The following LRRC7 variants were observed in gnomAD, a reference collection of about 807,000 sequenced individuals.
The protein encoded by LRRC7 is leucine-rich repeat-containing protein 7.
Under a neutral mutation model 175.7 loss-of-function variants are expected in LRRC7, and 23 were observed. The ratio of observed to expected loss-of-function variants is 0.13; its 90% CI spans 0.09 to 0.19. The LOEUF (loss-of-function observed/expected upper bound fraction) is 0.19. LRRC7 is among the 10% of genes least tolerant of loss of function. The pLI is 1.00. For missense variants in LRRC7, 1,354 were observed against 1,904.7 expected (o/e 0.71, Z 5.38); for synonymous variants, 685 against 680.9 (o/e 1.01, Z -0.09).
At chr1:69,973,396 C>T (rs973251958) in intron 8 of LRRC7, among the ~76,000 whole-genome samples, 6 of 151,896 alleles carry the variant, frequency 4.0e-5, no homozygotes, top group African/African-American at 1.5e-4. Flanking sequence ...AGAACTTACT[C>T]ATGTAACCAA....
At chr1:69,911,383 T>C (rs1406498782) in intron 7 of LRRC7, among the ~76,000 whole-genome samples, 1 of 152,216 alleles carries the variant, frequency 6.6e-6, no homozygotes, top group East Asian at 1.9e-4. Flanking sequence ...CCAAACTGCT[T>C]TCCACAATGA....
chr1:69,805,842 A>G (rs1421912211), intron 4 of LRRC7, among the ~76,000 whole-genome samples: 1 of 151,954 alleles, frequency 6.6e-6, no homozygotes, highest in Non-Finnish European at 1.5e-5. Flanking sequence ...ACTAGCACTT[A>G]TTCCATGGGA....
chr1:69,914,035 A>T (rs1407954440), intron 7 of LRRC7, among the ~76,000 whole-genome samples: 1 of 152,198 alleles, frequency 6.6e-6, no homozygotes, highest in Non-Finnish European at 1.5e-5. Context: ...AAGTGAAAAA[A>T]TTCTTTTTTT....
At chr1:69,937,285 TGCTTTACCATTA>T (rs146315709) in intron 8 of LRRC7, among the ~76,000 whole-genome samples, 1,898 of 152,238 alleles carry the variant, frequency 0.012, 36 homozygotes, top group African/African-American at 0.043. Context: ...CATTAATAAT[TGCTTTACCATTA>T]GCTTTGTATA....
At chr1:69,679,174 G>T (rs190965647) in intron 2 of LRRC7, among the ~76,000 whole-genome samples, 3 of 152,102 alleles carry the variant, frequency 2.0e-5, no homozygotes, top group Non-Finnish European at 4.4e-5. Flanking sequence ...TTTATAAAAT[G>T]ATCCATAATA....
chr1:70,102,022 T>C (rs181707533), intron 25 of LRRC7, among the ~76,000 whole-genome samples: 70 of 152,308 alleles, frequency 4.6e-4, no homozygotes, highest in African/African-American at 1.6e-3. Flanking sequence ...GGAAAGCCAT[T>C]GTGCTTTCAA....
intron 8 of LRRC7, among the ~76,000 whole-genome samples, chr1:69,963,678 G>A (rs192100518): frequency 6.6e-6 from 1 of 152,120 alleles, no homozygotes; most frequent in African/African-American, 2.4e-5. Flanking sequence ...AAATGAGAGT[G>A]CATGGGTTAC....
chr1:70,054,772 A>G lies in LRRC7; in HGVS notation c.4230+1627A>G, dbSNP rs372708887. ...CTGCCACCATGCCTGGCCAATTTTT[A>G]GTAGAGACAGGGTTTCACCGTGTTA... On this transcript the variant is annotated intron_variant, in intron 23 of 26. Transcript: ENST00000651989. Among the ~76,000 whole-genome samples, 306 of 151,146 alleles carry G rather than the reference A, an allele frequency of 2.0e-3. 3 individuals are homozygous for G. Among genetic ancestry groups the G allele is most frequent in the African/African-American group, 7.2e-3 (296 of 41,270 alleles).
At chr1:69,860,108 GT>G (rs1684198279) in intron 7 of LRRC7, among the ~76,000 whole-genome samples, 1 of 151,660 alleles carries the variant, frequency 6.6e-6, no homozygotes, top group African/African-American at 2.4e-5. Context: ...CAGGGTTTTT[GT>G]TTTTATTTGT....
At chr1:69,613,320 A>G (rs1557485567) in intron 1 of LRRC7, among the ~76,000 whole-genome samples, 1 of 152,036 alleles carries the variant, frequency 6.6e-6, no homozygotes, top group Non-Finnish European at 1.5e-5. Flanking sequence ...TTATAAGGAC[A>G]TTAATTCCAC....
At chr1:69,798,594 A>G (rs1676082651) in intron 4 of LRRC7, among the ~76,000 whole-genome samples, 1 of 152,210 alleles carries the variant, frequency 6.6e-6, no homozygotes, top group Non-Finnish European at 1.5e-5. Flanking sequence ...CAATGTACCC[A>G]TCATGGAAAT....
chr1:69,910,719 C>T (rs979315179), intron 7 of LRRC7, among the ~76,000 whole-genome samples: 2 of 152,244 alleles, frequency 1.3e-5, no homozygotes, highest in Non-Finnish European at 1.5e-5. Context: ...CCACTACTCT[C>T]TTCAAAGCTG....
intron 18 of LRRC7, 83 bp downstream of exon 18, chr1:70,028,454 C>A: frequency 8.5e-7 from 1 of 1,179,270 alleles, no homozygotes; most frequent in Non-Finnish European, 1.2e-6. Context: ...ATAGATCTTC[C>A]TTGATAAGTG....
chr1:69,666,086 T>C (rs1050117081), intron 1 of LRRC7, among the ~76,000 whole-genome samples: 32 of 152,132 alleles, frequency 2.1e-4, no homozygotes, highest in African/African-American at 7.5e-4. Flanking sequence ...AATGATCATA[T>C]GGTTTTTGTC....
chr1:69,717,677 T>C (rs1297580122), intron 2 of LRRC7, among the ~76,000 whole-genome samples: 1 of 150,580 alleles, frequency 6.6e-6, no homozygotes, highest in East Asian at 2.0e-4. Flanking sequence ...ACTGTGTTTA[T>C]AGATACCTTG....
At chr1:69,637,544 T>C (rs370396418) in intron 1 of LRRC7, among the ~76,000 whole-genome samples, 1 of 152,026 alleles carries the variant, frequency 6.6e-6, no homozygotes, top group African/African-American at 2.4e-5. Context: ...GTTCTATTTC[T>C]ACCTAAAATT....
chr1:69,583,715 C>T (rs541785337), intron 1 of LRRC7, among the ~76,000 whole-genome samples: 59 of 152,262 alleles, frequency 3.9e-4, no homozygotes, highest in African/African-American at 1.4e-3. Flanking sequence ...TTATTTTCAG[C>T]TACAGATTTG....
intron 2 of LRRC7, among the ~76,000 whole-genome samples, chr1:69,746,401 T>C (rs1395808644): frequency 6.6e-6 from 1 of 152,020 alleles, no homozygotes; most frequent in East Asian, 1.9e-4. Flanking sequence ...CTTCTGAAAA[T>C]GAGTGGGCAC....
chr1:69,568,328 G>T lies in LRRC7; in HGVS notation c.-312G>T, dbSNP rs1194067475. ...GCTGCGGTCGCTAGCGCGGCGCGCT[G>T]GGCAGGCTGAGGCTGGGGAGTGGAC... On this transcript the variant is annotated 5_prime_UTR_variant, in exon 1 of 27. Transcript: ENST00000651989. 1 of 202,954 alleles carries T rather than the reference G, an allele frequency of 4.9e-6. No homozygotes were observed. The highest frequency in any genetic ancestry group is 9.7e-6 in the Non-Finnish European group (1 of 102,858). The allele number at this position is 202,954 out of a possible 1,614,324, so 12.6% of individuals were successfully genotyped here.
Sources: allele counts gnomAD v4.1 joint callset (sites outside exome capture counted in the v4.1 genomes callset), GRCh38; gene constraint gnomAD v4.1.1; transcripts MANE v1.5; gene names NCBI Gene and HGNC (gene_info 2026-07-23, HGNC 2026-07-21).